The following SUMO2 variants were observed in gnomAD, a reference collection of about 807,000 sequenced individuals.
SUMO2 encodes small ubiquitin like modifier 2, also known as small ubiquitin-related modifier 2.
In SUMO2, 1 loss-of-function variant was observed where a neutral mutation model predicts 16.0. The ratio of observed to expected loss-of-function variants is 0.06; its 90% CI spans 0.02 to 0.30. The LOEUF is 0.30. Ranked by LOEUF, SUMO2 falls within the 10% of genes least tolerant of loss-of-function variation. The pLI is 1.00. For missense variants in SUMO2, 16 were observed against 117.5 expected, an observed-to-expected ratio of 0.14 and a Z score of 3.99; for synonymous variants, 36 against 40.6, an observed-to-expected ratio of 0.89 and a Z score of 0.43.
intron 2 of SUMO2, among the ~76,000 whole-genome samples, chr17:75,176,941 T>C (rs988245233): frequency 6.6e-6 from 1 of 151,884 alleles, no homozygotes; most frequent in East Asian, 1.9e-4. Context: ...CCTAGCACCT[T>C]GGGAGACTGA....
At chr17:75,169,385 A>ATTT (rs746519441) in intron 3 of SUMO2, among the ~76,000 whole-genome samples, 2 of 141,854 alleles carry the variant, frequency 1.4e-5, no homozygotes, top group Non-Finnish European at 3.1e-5. Context: ...TTAAAAAAAA[A>ATTT]TTTTTTTTTT....
At chr17:75,171,024 C>T (rs759391324) in intron 3 of SUMO2, among the ~76,000 whole-genome samples, 4 of 151,300 alleles carry the variant, frequency 2.6e-5, no homozygotes, top group South Asian at 2.1e-4. Context: ...GCAGCCAACT[C>T]GGTGCACTGA....
intron 3 of SUMO2, among the ~76,000 whole-genome samples, chr17:75,174,473 A>C (rs558056908): frequency 6.6e-6 from 1 of 152,374 alleles, no homozygotes; most frequent in African/African-American, 2.4e-5. Context: ...CCAAGGCTGC[A>C]GTGAGCTATA....
intron 2 of SUMO2, 122 bp from the exon 3 acceptor site, chr17:75,174,945 A>T (rs1172661406): frequency 3.7e-6 from 3 of 819,394 alleles, no homozygotes; most frequent in South Asian, 1.8e-5. Context: ...AATTGCCAAC[A>T]TGTTAACATA....
At chr17:75,180,418 A>AC (rs2074819790) in intron 2 of SUMO2, among the ~76,000 whole-genome samples, 2 of 143,424 alleles carry the variant, frequency 1.4e-5, no homozygotes, top group Non-Finnish European at 3.0e-5. Flanking sequence ...AAAAAAAAAA[A>AC]AAACGACTTC....
Position 75,166,445 on chromosome 17 carries a change from A to G in SUMO2, c.*1894T>C, listed in dbSNP as rs1242331201. On this transcript the variant is annotated 3_prime_UTR_variant, in exon 4 of 4. Transcript: ENST00000420826. ...AGCTGAGATCATGTCATTGGTCTCC[A>G]GTTGGGGCAACAAGAGCGAAACTCC... The G allele has an allele frequency of 6.6e-6, 1 of 151,954 alleles. No individual in the cohort carries two copies. The allele number at this position is 151,954 out of a possible 1,614,324, so 9.4% of individuals were successfully genotyped here.
intron 3 of SUMO2, among the ~76,000 whole-genome samples, chr17:75,170,971 T>C (rs1203570007): frequency 1.3e-5 from 2 of 150,364 alleles, no homozygotes; most frequent in African/African-American, 4.9e-5. Flanking sequence ...TAAGATACAG[T>C]AGATACAGTG....
intron 1 of SUMO2, 99 bp from the exon 2 acceptor site, chr17:75,181,287 T>G: frequency 7.8e-7 from 1 of 1,275,386 alleles, no homozygotes; most frequent in Non-Finnish European, 1.1e-6. Flanking sequence ...ATCAACAGGT[T>G]TCTCATACTG....
At chr17:75,168,492 T>C in intron 3 of SUMO2, 91 bp from the exon 4 acceptor site, 3 of 1,085,238 alleles carry the variant, frequency 2.8e-6, no homozygotes, top group Non-Finnish European at 4.0e-6. Flanking sequence ...AACATGTACA[T>C]GTTCCACTAA....
chr17:75,182,695 G>T, intron 1 of SUMO2, 119 bp downstream of exon 1: 1 of 848,928 alleles, frequency 1.2e-6, no homozygotes, highest in Non-Finnish European at 1.6e-6. Context: ...CTGAGCCGCG[G>T]CCGGCCCCGT....
intron 2 of SUMO2, among the ~76,000 whole-genome samples, chr17:75,177,154 G>A (rs1417926504): frequency 1.3e-5 from 2 of 149,200 alleles, no homozygotes; most frequent in African/African-American, 5.0e-5. Flanking sequence ...GCCATTGCAA[G>A]AGCGAGACTC....
chr17:75,173,019 A>T (rs778439397), intron 3 of SUMO2, among the ~76,000 whole-genome samples: 8 of 152,210 alleles, frequency 5.3e-5, no homozygotes, highest in Non-Finnish European at 1.2e-4. Flanking sequence ...AAAGATTATC[A>T]ACAAAACTAC....
At chr17:75,180,948 C>A (rs759006242) in intron 2 of SUMO2, 109 bp downstream of exon 2, 2 of 1,296,434 alleles carry the variant, frequency 1.5e-6, no homozygotes, top group Non-Finnish European at 2.2e-6. Context: ...AGTGCATATT[C>A]ATCCCATCAA....
intron 3 of SUMO2, among the ~76,000 whole-genome samples, chr17:75,171,629 T>C (rs1000855716): frequency 5.9e-5 from 9 of 152,122 alleles, no homozygotes; most frequent in African/African-American, 1.9e-4. Flanking sequence ...AACGAATCAA[T>C]TCCAAATTCT....
intron 2 of SUMO2, among the ~76,000 whole-genome samples, chr17:75,179,935 G>A (rs1042500276): frequency 2.0e-5 from 3 of 152,128 alleles, no homozygotes; most frequent in Non-Finnish European, 4.4e-5. Flanking sequence ...ATGAGCCACT[G>A]CATCAGGCCT....
chr17:75,175,745 G>A (rs1209453440), intron 2 of SUMO2, among the ~76,000 whole-genome samples: 3 of 151,524 alleles, frequency 2.0e-5, no homozygotes, highest in Admixed American at 2.0e-4. Flanking sequence ...TGGTTCTCCT[G>A]CCTCAGCCTC....
At chr17:75,180,914 G>T in intron 2 of SUMO2, 143 bp downstream of exon 2, 1 of 869,712 alleles carries the variant, frequency 1.1e-6, no homozygotes, top group Non-Finnish European at 1.8e-6. Context: ...AATATACCAA[G>T]TGCACGACAA....
chr17:75,180,777 T>C (rs2074823071), intron 2 of SUMO2, among the ~76,000 whole-genome samples: 1 of 152,086 alleles, frequency 6.6e-6, no homozygotes, highest in South Asian at 2.1e-4. Flanking sequence ...TATTTTCTTA[T>C]AAACATAAAA....
At chr17:75,179,739 A>G (rs1187778609) in intron 2 of SUMO2, among the ~76,000 whole-genome samples, 1 of 150,586 alleles carries the variant, frequency 6.6e-6, no homozygotes, top group Non-Finnish European at 1.5e-5. Context: ...GGCTCACTGC[A>G]GCCTCCACCT....
Sources: gnomAD v4.1 joint callset for allele counts (sites outside exome capture counted in the v4.1 genomes callset) on GRCh38, gnomAD v4.1.1 for gene constraint, MANE v1.5 for transcripts, NCBI Gene and HGNC (gene_info 2026-07-23, HGNC 2026-07-21) for gene names.